Variants in SPATA9 observed in about 807,000 individuals in gnomAD.
SPATA9 encodes the protein spermatogenesis-associated protein 9.
Under a neutral mutation model 25.5 loss-of-function variants are expected in SPATA9, and 27 were observed. The observed-to-expected ratio is 1.06, with a 90% CI of 0.78 to 1.46. The LOEUF (loss-of-function observed/expected upper bound fraction) is 1.46, where lower values mean the gene tolerates loss of function less well. Ranked by LOEUF, SPATA9 falls within the 40% of genes most tolerant of loss-of-function variation. SPATA9 has a pLI of 0.00. For missense variants in SPATA9, 282 were observed against 297.5 expected (o/e 0.95, Z 0.38); for synonymous variants, 102 against 105.7 (o/e 0.97, Z 0.21).
chr5:95,715,725 A>T, the SPATA9 span, among the ~76,000 whole-genome samples: 7 of 152,338 alleles, frequency 4.6e-5, no homozygotes, highest in Admixed American at 1.3e-4. Context: ...ATAAAGGAAA[A>T]TATTGATAAA....
upstream of SPATA9, chr5:95,701,364 T>C (rs1053357250): frequency 1.3e-5 from 2 of 152,162 alleles, no homozygotes; most frequent in African/African-American, 4.8e-5. Context: ...CAAGAGGACT[T>C]TGTAAACCTT....
At chr5:95,723,713 T>A in the SPATA9 span, among the ~76,000 whole-genome samples, 1 of 152,212 alleles carries the variant, frequency 6.6e-6, no homozygotes, top group African/African-American at 2.4e-5. Flanking sequence ...CTTTTCCCTA[T>A]CTCTCCTTTA....
Position 95,670,904 on chromosome 5 carries a change from C to T in SPATA9, c.378+4508G>A, listed in dbSNP as rs151119825. 451 of 985,312 alleles carry T rather than the reference C, an allele frequency of 4.6e-4. 2 individuals carry two copies. The African/African-American group carries it at 7.0e-3, about 15-fold the overall frequency. The allele number at this position is 985,312 out of a possible 1,614,324, so 61.0% of individuals were successfully genotyped here. ...CACTGAGCCTTTGAGATTTGAGAGA[C>T]GTTGTTTACTACAACTTAGTTTTCC... On this transcript the variant is annotated intron_variant, in intron 3 of 4. Coordinates refer to ENST00000274432, the MANE Select transcript of SPATA9 (RefSeq NM_031952.4).
the SPATA9 span, among the ~76,000 whole-genome samples, chr5:95,714,524 T>C: frequency 6.6e-6 from 1 of 151,982 alleles, no homozygotes; most frequent in Non-Finnish European, 1.5e-5. Context: ...AGCTAAGGAG[T>C]GTCCTTCGGA....
At chr5:95,654,123 G>T, downstream of SPATA9, 1 of 1,611,414 alleles carries the variant, frequency 6.2e-7, no homozygotes, top group Non-Finnish European at 8.5e-7. Context: ...GTGTGTGTGG[G>T]CAGAGAAGAT....
chr5:95,700,544 C>T (rs576366508), upstream of SPATA9, among the ~76,000 whole-genome samples: 56 of 152,216 alleles, frequency 3.7e-4, no homozygotes, highest in East Asian at 5.8e-3. Context: ...GTGATATGCC[C>T]GCCTCAGCCT....
downstream of SPATA9, chr5:95,656,400 C>A: frequency 1.0e-6 from 1 of 981,044 alleles, no homozygotes; most frequent in Non-Finnish European, 1.5e-6. Flanking sequence ...TGAAATTTTT[C>A]AACATAGGCA....
the SPATA9 span, among the ~76,000 whole-genome samples, chr5:95,709,857 G>T: frequency 6.6e-6 from 1 of 152,140 alleles, no homozygotes; most frequent in African/African-American, 2.4e-5. Flanking sequence ...TTACCTGGGC[G>T]CAGGTTGTGC....
At chr5:95,680,737 C>T (rs1352678015) in intron 2 of SPATA9, among the ~76,000 whole-genome samples, 1 of 152,180 alleles carries the variant, frequency 6.6e-6, no homozygotes, top group East Asian at 1.9e-4. Flanking sequence ...AAATATACAT[C>T]TTCAGCCGGG....
chr5:95,652,781 A>G (rs1018296788), downstream of SPATA9: 3 of 290,316 alleles, frequency 1.0e-5, no homozygotes, highest in African/African-American at 4.4e-5. Flanking sequence ...TACTGTTGTT[A>G]TTACTTTTTA....
chr5:95,700,525 C>G (rs949009206), upstream of SPATA9, among the ~76,000 whole-genome samples: 4 of 152,168 alleles, frequency 2.6e-5, no homozygotes, highest in Non-Finnish European at 4.4e-5. Context: ...GTCTTGATCT[C>G]CTGACCTCGT....
At chr5:95,683,025 C>T (rs908771770), upstream of SPATA9, 21 of 1,260,030 alleles carry the variant, frequency 1.7e-5, no homozygotes, top group South Asian at 1.9e-4. Context: ...AATAGGCTTC[C>T]GAGAACCTGC....
chr5:95,721,898 T>A, the SPATA9 span, among the ~76,000 whole-genome samples: 1 of 152,200 alleles, frequency 6.6e-6, no homozygotes, highest in African/African-American at 2.4e-5. Flanking sequence ...ACCTAATATA[T>A]AATGGCATTA....
downstream of SPATA9, chr5:95,654,403 C>T (rs1322842001): frequency 7.4e-7 from 1 of 1,342,458 alleles, no homozygotes; most frequent in Non-Finnish European, 1.0e-6. Flanking sequence ...GCAAATTCAG[C>T]AAATAAATAT....
chr5:95,652,336 G>GTA (rs1750389390), downstream of SPATA9: 4 of 1,550,054 alleles, frequency 2.6e-6, no homozygotes, highest in Non-Finnish European at 3.5e-6. Context: ...CTCCAAGTGA[G>GTA]TCCATAGAAT....
downstream of SPATA9, chr5:95,657,441 G>C (rs906869329): frequency 2.6e-5 from 4 of 151,790 alleles, no homozygotes; most frequent in Admixed American, 1.3e-4. Context: ...TGTGGGACCA[G>C]AAATAGCTAA....
At chr5:95,719,928 T>C in the SPATA9 span, among the ~76,000 whole-genome samples, 1 of 152,208 alleles carries the variant, frequency 6.6e-6, no homozygotes, top group Admixed American at 6.5e-5. Flanking sequence ...GGGATCAAAA[T>C]GACCTGTACT....
At chr5:95,661,717 C>A (rs923828606) in intron 4 of SPATA9, among the ~76,000 whole-genome samples, 7 of 151,982 alleles carry the variant, frequency 4.6e-5, no homozygotes, top group Non-Finnish European at 1.0e-4. Context: ...TTTTAAAAAA[C>A]TGAATTAATA....
chr5:95,683,046 TC>T, upstream of SPATA9: 3 of 1,245,930 alleles, frequency 2.4e-6, no homozygotes, highest in Non-Finnish European at 3.0e-6. Context: ...TACAGAATCT[TC>T]TGACATCACT....
Sources: gnomAD v4.1 joint callset for allele counts (sites outside exome capture counted in the v4.1 genomes callset) on GRCh38, gnomAD v4.1.1 for gene constraint, MANE v1.5 for transcripts, NCBI Gene and HGNC (gene_info 2026-07-23, HGNC 2026-07-21) for gene names.